CCBE1: variants seen among roughly 807,000 people sequenced by gnomAD.
CCBE1 encodes the protein collagen and calcium binding EGF domains 1, also known as collagen and calcium-binding EGF domain-containing protein 1.
CCBE1 carries 37 observed loss-of-function variants against 50.0 expected under a neutral mutation model. The observed-to-expected ratio is 0.74, with a 90% CI of 0.57 to 0.97. CCBE1 has a LOEUF of 0.97. Ranked by LOEUF, CCBE1 falls within the 50% of genes least tolerant of loss-of-function variation. The probability of loss-of-function intolerance (pLI) is 0.00; values close to 1 mark genes in which losing one functional copy is unlikely to be tolerated. For synonymous variants in CCBE1, 234 were observed against 203.7 expected (o/e 1.15, Z -1.27); for missense variants, 538 against 523.8 (o/e 1.03, Z -0.26).
chr18:59,592,415 A>C (rs1281883830), intron 2 of CCBE1, among the ~76,000 whole-genome samples: 1 of 152,224 alleles, frequency 6.6e-6, no homozygotes, highest in African/African-American at 2.4e-5. Context: ...ATTTTGAAAA[A>C]GGCAACTCAA....
At chr18:59,615,696 A>C (rs982900970) in intron 2 of CCBE1, among the ~76,000 whole-genome samples, 1 of 152,180 alleles carries the variant, frequency 6.6e-6, no homozygotes, top group African/African-American at 2.4e-5. Context: ...TCGTTCCATA[A>C]GGTATGAGGT....
chr18:59,645,752 C>T (rs926320261), intron 2 of CCBE1, among the ~76,000 whole-genome samples: 4 of 152,230 alleles, frequency 2.6e-5, no homozygotes, highest in East Asian at 1.9e-4. Context: ...AAAAGACAGG[C>T]TGGGCGCGGT....
chr18:59,543,548 C>G (rs1165653147), intron 2 of CCBE1, among the ~76,000 whole-genome samples: 8 of 151,988 alleles, frequency 5.3e-5, no homozygotes, highest in Non-Finnish European at 8.8e-5. Flanking sequence ...GCGAGAGGCC[C>G]CGAGAGGCCG....
intron 2 of CCBE1, among the ~76,000 whole-genome samples, chr18:59,691,399 TTTTTG>T (rs1465858481): frequency 3.8e-3 from 23 of 6,122 alleles, no homozygotes; most frequent in Non-Finnish European, 0.019. Context: ...TTCACAAGAT[TTTTTG>T]TTTGTTTGTT....
At chr18:59,677,699 A>T (rs1317075203) in intron 2 of CCBE1, among the ~76,000 whole-genome samples, 2 of 79,104 alleles carry the variant, frequency 2.5e-5, no homozygotes, top group East Asian at 2.3e-4. Flanking sequence ...TTATCTCTTT[A>T]AAAAAAAAAA....
intron 2 of CCBE1, among the ~76,000 whole-genome samples, chr18:59,484,976 C>T (rs1018064923): frequency 4.6e-5 from 7 of 152,192 alleles, no homozygotes; most frequent in Admixed American, 6.5e-5. Flanking sequence ...AATCTTGTTA[C>T]GCAAGCATGG....
At chr18:59,509,339 T>A (rs936796048) in intron 2 of CCBE1, among the ~76,000 whole-genome samples, 1 of 151,998 alleles carries the variant, frequency 6.6e-6, no homozygotes, top group African/African-American at 2.4e-5. Flanking sequence ...TATATATATA[T>A]ACACACACAC....
At chr18:59,461,300 C>T (rs1389671917) in intron 5 of CCBE1, among the ~76,000 whole-genome samples, 3 of 133,686 alleles carry the variant, frequency 2.2e-5, no homozygotes, top group East Asian at 2.2e-4. Flanking sequence ...AGTGGAGGCA[C>T]TTTTTTTTTT....
intron 2 of CCBE1, among the ~76,000 whole-genome samples, chr18:59,658,879 CAAAAAAAAAA>C (rs61226521): frequency 1.8e-5 from 1 of 54,732 alleles, no homozygotes; most frequent in Non-Finnish European, 3.3e-5. Flanking sequence ...GACTCTGTCT[CAAAAAAAAAA>C]AAAAAAAAAA....
chr18:59,550,602 GC>G (rs1295145390), intron 2 of CCBE1, among the ~76,000 whole-genome samples: 2 of 152,142 alleles, frequency 1.3e-5, no homozygotes. Context: ...GACAAGTTAG[GC>G]CTGCCCAAAC....
chr18:59,583,687 G>GCA (rs2053127269), intron 2 of CCBE1, among the ~76,000 whole-genome samples: 1 of 88,538 alleles, frequency 1.1e-5, no homozygotes, highest in Non-Finnish European at 2.4e-5. Flanking sequence ...GTGTGCGCGC[G>GCA]CGCGCGCGCG....
chr18:59,542,880 G>A (rs1164776999), intron 2 of CCBE1, among the ~76,000 whole-genome samples: 2 of 152,018 alleles, frequency 1.3e-5, no homozygotes, highest in African/African-American at 2.4e-5. Context: ...TCTCATGGCC[G>A]GCCACACATG....
At chr18:59,521,386 T>A (rs1162354657) in intron 2 of CCBE1, among the ~76,000 whole-genome samples, 1 of 152,250 alleles carries the variant, frequency 6.6e-6, no homozygotes, top group Admixed American at 6.5e-5. Flanking sequence ...GTTACGTGGA[T>A]TGCAGGTGAT....
intron 2 of CCBE1, among the ~76,000 whole-genome samples, chr18:59,481,817 T>G (rs911910412): frequency 1.6e-4 from 25 of 152,182 alleles, no homozygotes; most frequent in African/African-American, 6.0e-4. Context: ...TTCTTCAGGC[T>G]AACAGGAGAT....
chr18:59,648,187 A>T (rs1395920009), intron 2 of CCBE1, among the ~76,000 whole-genome samples: 1 of 152,218 alleles, frequency 6.6e-6, no homozygotes, highest in East Asian at 1.9e-4. Flanking sequence ...TTAGAAGCCT[A>T]CTCAGTAAGT....
chr18:59,579,238 G>A (rs777191335), intron 2 of CCBE1, among the ~76,000 whole-genome samples: 1 of 152,208 alleles, frequency 6.6e-6, no homozygotes, highest in East Asian at 1.9e-4. Context: ...TTTGCTAAAA[G>A]TAGCTGGGAA....
intron 2 of CCBE1, among the ~76,000 whole-genome samples, chr18:59,516,079 C>T (rs1394967709): frequency 1.3e-5 from 2 of 152,144 alleles, no homozygotes; most frequent in African/African-American, 4.8e-5. Flanking sequence ...TTGCTCCAGC[C>T]TCCTGAATAA....
chr18:59,487,867 G>C (rs1912898033), intron 2 of CCBE1, among the ~76,000 whole-genome samples: 1 of 152,200 alleles, frequency 6.6e-6, no homozygotes, highest in African/African-American at 2.4e-5. Flanking sequence ...AGAATTGAAA[G>C]CAGGGACTCA....
At chr18:59,455,138 G>C in intron 5 of CCBE1, 187 bp from the exon 6 acceptor site, 1 of 680,202 alleles carries the variant, frequency 1.5e-6, no homozygotes, top group South Asian at 1.5e-5. Flanking sequence ...GAAGAGGGGA[G>C]GACAGAGGGA....
Sources: gnomAD v4.1 joint callset for allele counts (sites outside exome capture counted in the v4.1 genomes callset) on GRCh38, gnomAD v4.1.1 for gene constraint, MANE v1.5 for transcripts, NCBI Gene and HGNC (gene_info 2026-07-23, HGNC 2026-07-21) for gene names.